Variants in PRDM10 observed in about 807,000 individuals in gnomAD.
The protein encoded by PRDM10 is PR domain zinc finger protein 10.
PRDM10 carries 65 observed loss-of-function variants against 133.1 expected under a neutral mutation model. The ratio of observed to expected loss-of-function variants is 0.49; its 90% CI spans 0.40 to 0.60. The LOEUF (loss-of-function observed/expected upper bound fraction) is 0.60. Ranked by LOEUF, PRDM10 falls within the 20% of genes least tolerant of loss-of-function variation. The pLI is 0.00. For missense variants in PRDM10, 1,137 were observed against 1,507.1 expected, an observed-to-expected ratio of 0.75 and a Z score of 4.07; for synonymous variants, 582 against 580.4, an observed-to-expected ratio of 1.00 and a Z score of -0.04.
chr11:129,952,999 G>T (rs1273866889), intron 4 of PRDM10, among the ~76,000 whole-genome samples: 2 of 150,770 alleles, frequency 1.3e-5, no homozygotes, highest in Non-Finnish European at 2.9e-5. Flanking sequence ...TTGAGACAGA[G>T]TCTCACTCTT....
chr11:129,907,805 G>A (rs562842449), intron 19 of PRDM10, among the ~76,000 whole-genome samples: 2 of 152,190 alleles, frequency 1.3e-5, no homozygotes, highest in South Asian at 4.1e-4. Context: ...AAGAATTACT[G>A]TTGGCTTGGC....
chr11:129,923,560 A>G lies in PRDM10; in HGVS notation c.1879-157T>C, dbSNP rs1272926885. ...TCAGATGTGATAATTGGCCTCAATA[A>G]CACATACTGTCCCTGTCACAAAGAA... On this transcript the variant is annotated intron_variant, in intron 12 of 20. Transcript: ENST00000360871. The surrounding 1 kb of genome is among the most constrained non-coding windows in gnomAD (Gnocchi z 4.4). Among the ~76,000 whole-genome samples the G allele has an allele frequency of 6.6e-6, 1 of 151,796 alleles. No homozygotes were observed. Among genetic ancestry groups the G allele is most frequent in the Non-Finnish European group, 1.5e-5 (1 of 67,988 alleles).
chr11:129,983,456 A>G (rs1194269647), intron 1 of PRDM10, among the ~76,000 whole-genome samples: 2 of 151,924 alleles, frequency 1.3e-5, no homozygotes, highest in Non-Finnish European at 2.9e-5. Context: ...CACCGCGCCC[A>G]GCTAATTTTG....
At chr11:129,951,815 C>T (rs573371176) in intron 4 of PRDM10, among the ~76,000 whole-genome samples, 2 of 152,112 alleles carry the variant, frequency 1.3e-5, no homozygotes, top group Non-Finnish European at 2.9e-5. Context: ...CTGGAGACCA[C>T]TGATGCCTTT....
At chr11:129,916,707 T>C (rs1172295595) in intron 15 of PRDM10, among the ~76,000 whole-genome samples, 1 of 152,116 alleles carries the variant, frequency 6.6e-6, no homozygotes, top group East Asian at 1.9e-4. Flanking sequence ...TACATGAAAA[T>C]AATGCAATAG....
intron 2 of PRDM10, among the ~76,000 whole-genome samples, chr11:129,960,120 G>T (rs1951768993): frequency 6.6e-6 from 1 of 151,740 alleles, no homozygotes; most frequent in Non-Finnish European, 1.5e-5. Flanking sequence ...TTATTATATT[G>T]CTTAAATTAA....
At chr11:129,959,448 G>C (rs1591663273) in intron 2 of PRDM10, among the ~76,000 whole-genome samples, 1 of 152,266 alleles carries the variant, frequency 6.6e-6, no homozygotes, top group South Asian at 2.1e-4. Flanking sequence ...AGCTATCCAA[G>C]CTTTTCTGCT....
intron 9 of PRDM10, among the ~76,000 whole-genome samples, chr11:129,934,009 C>T (rs1399075246): frequency 6.6e-6 from 1 of 152,238 alleles, no homozygotes; most frequent in Non-Finnish European, 1.5e-5. Flanking sequence ...CTCTGCATCA[C>T]TGCCTTGATG....
In PRDM10 at chr11:129,924,649, T is replaced by C. The variant is rs370928944; in HGVS notation, c.1878+233A>G. ...TTAAAAATTATAATAGATCTGGGTGTTTATTACTTGTAACTTAAACACTTC... is the reference window on the plus strand; with the variant it reads ...TTAAAAATTATAATAGATCTGGGTGCTTATTACTTGTAACTTAAACACTTC... On this transcript the variant is annotated intron_variant, in intron 12 of 20. Transcript: ENST00000360871. Among the ~76,000 whole-genome samples the C allele has an allele frequency of 3.3e-5, 5 of 152,324 alleles. No individual in the cohort carries two copies. The East Asian group carries it at 9.6e-4, about 29-fold the overall frequency.
chr11:130,000,565 A>G (rs569561914), intron 1 of PRDM10, among the ~76,000 whole-genome samples: 3 of 152,224 alleles, frequency 2.0e-5, no homozygotes, highest in Non-Finnish European at 4.4e-5. Context: ...GACATACAAT[A>G]TATGATTAAT....
chr11:129,953,826 CAAAAAAA>C (rs10542747), intron 4 of PRDM10, among the ~76,000 whole-genome samples: 1 of 73,354 alleles, frequency 1.4e-5, no homozygotes, highest in Non-Finnish European at 3.9e-5. Context: ...TTTATAGTAG[CAAAAAAA>C]AAAAAAAAAA....
chr11:129,905,293 C>T (rs61082152), intron 20 of PRDM10, among the ~76,000 whole-genome samples: 40,274 of 145,500 alleles, frequency 0.28, 5,675 homozygotes, highest in African/African-American at 0.34. Context: ...ACCCAGGAGA[C>T]GGAGGTTGCA....
chr11:129,942,506 G>T lies in PRDM10; in HGVS notation c.886C>A (p.Gln296Lys). Residue 296 changes from glutamine to lysine, a missense_variant, in exon 7 of 21, where the codon CAG becomes AAG. Coordinates refer to ENST00000360871, the MANE Select transcript of PRDM10 (RefSeq NM_199437.2). ...FVRPAQNHLE[Q>K]NLVAYQYGHH... ...CCATACTGGTAAGCCACCAGGTTCT[G>T]CTCCAGGTGATTCTGGGCTGGCCGT... 6.2e-7 allele frequency: 1 copy of T among 1,614,070 alleles called. No homozygotes were observed. The highest frequency in any genetic ancestry group is 8.5e-7 in the Non-Finnish European group (1 of 1,180,020).
intron 1 of PRDM10, among the ~76,000 whole-genome samples, chr11:129,965,188 C>A (rs1951879695): frequency 6.6e-6 from 1 of 151,930 alleles, no homozygotes; most frequent in African/African-American, 2.4e-5. Context: ...TTGCAGAGAA[C>A]CCAGATCGTG....
intron 1 of PRDM10, among the ~76,000 whole-genome samples, chr11:129,973,264 G>A (rs111542707): frequency 1.7e-3 from 259 of 152,306 alleles, no homozygotes; most frequent in African/African-American, 5.9e-3. Context: ...ATTAAGCAAT[G>A]TCTGTTAACA....
intron 1 of PRDM10, among the ~76,000 whole-genome samples, chr11:129,965,080 C>CAGATCAGCCTG (rs1951877693): frequency 6.6e-6 from 1 of 152,132 alleles, no homozygotes; most frequent in African/African-American, 2.4e-5. Flanking sequence ...CCGCAGCGGG[C>CAGATCAGCCTG]AGATCAGCCT....
At chr11:129,942,389 GC>G in intron 7 of PRDM10, 36 bp downstream of exon 7, 1 of 1,577,102 alleles carries the variant, frequency 6.3e-7, no homozygotes, top group Non-Finnish European at 8.6e-7. Flanking sequence ...AATCACTCTT[GC>G]TAGCAAATAG....
In PRDM10 at chr11:129,901,533, TG is replaced by T. The variant is rs1344924626; in HGVS notation, c.*779del. On this transcript the variant is annotated 3_prime_UTR_variant, in exon 21 of 21. Coordinates refer to ENST00000360871, the MANE Select transcript of PRDM10 (RefSeq NM_199437.2). ...TCTTACCACCACCACAACCACAGAA[TG>T]GGAGGCAAAGCTTTAATGTAGGGGT... The T allele has an allele frequency of 6.6e-6, 1 of 152,252 alleles. No individual in the cohort carries two copies. Among genetic ancestry groups the T allele is most frequent in the Non-Finnish European group, 1.5e-5 (1 of 68,036 alleles). The allele number at this position is 152,252 out of a possible 1,614,324, so 9.4% of individuals were successfully genotyped here.
In PRDM10 at chr11:129,932,983, G is replaced by C. The variant is rs189629952; in HGVS notation, c.1158-752C>G. 3.1e-3 allele frequency among the ~76,000 whole-genome samples: 471 copies of C among 152,202 alleles called. 4 individuals carry two copies. The highest frequency in any genetic ancestry group is 0.011 in the African/African-American group (445 of 41,514). On this transcript the variant is annotated intron_variant, in intron 9 of 20. Coordinates refer to ENST00000360871, the MANE Select transcript of PRDM10 (RefSeq NM_199437.2). ...GGGTTTCACCGTGTTGCCTGGGCTG[G>C]TCTGGAACTCAAGCAATCCTCCCTC...
Sources: allele counts gnomAD v4.1 joint callset (sites outside exome capture counted in the v4.1 genomes callset), GRCh38; gene constraint gnomAD v4.1.1; non-coding constraint Gnocchi (gnomAD v3.1); transcripts MANE v1.5; gene names NCBI Gene and HGNC (gene_info 2026-07-23, HGNC 2026-07-21).